The following GRM8 variants were observed in gnomAD, a reference collection of about 807,000 sequenced individuals.
GRM8 encodes glutamate metabotropic receptor 8, also known as metabotropic glutamate receptor 8.
GRM8 carries 47 observed loss-of-function variants against 87.2 expected under a neutral mutation model. The observed-to-expected ratio is 0.54, with a 90% CI of 0.43 to 0.69. GRM8 has a LOEUF of 0.69. Ranked by LOEUF, GRM8 falls within the 30% of genes least tolerant of loss-of-function variation. The pLI is 0.00. For synonymous variants in GRM8, 396 were observed against 404.5 expected (o/e 0.98, Z 0.25); for missense variants, 1,019 against 1,139.2 (o/e 0.89, Z 1.52).
At chr7:126,506,953 A>C (rs919491917) in intron 9 of GRM8, among the ~76,000 whole-genome samples, 2 of 152,158 alleles carry the variant, frequency 1.3e-5, no homozygotes, top group Non-Finnish European at 2.9e-5. Context: ...AAAATGCAGT[A>C]AATTACATAG....
intron 6 of GRM8, among the ~76,000 whole-genome samples, chr7:126,836,083 A>C: frequency 6.6e-6 from 1 of 152,184 alleles, no homozygotes; most frequent in East Asian, 1.9e-4. Context: ...TGTTTAACAT[A>C]AGGAAAAAAA....
chr7:126,761,195 C>G (rs895858868), intron 7 of GRM8, among the ~76,000 whole-genome samples: 28 of 150,364 alleles, frequency 1.9e-4, no homozygotes, highest in Non-Finnish European at 3.4e-4. Flanking sequence ...GAGACTCTAT[C>G]TCTTAAAAAA....
intron 7 of GRM8, among the ~76,000 whole-genome samples, chr7:126,669,339 A>T (rs543419199): frequency 2.6e-5 from 4 of 152,260 alleles, no homozygotes; most frequent in East Asian, 1.9e-4. Context: ...AAAATTAAAA[A>T]TTTTTAAAAA....
At chr7:127,153,739 T>C (rs967526018) in intron 2 of GRM8, among the ~76,000 whole-genome samples, 4 of 152,144 alleles carry the variant, frequency 2.6e-5, no homozygotes, top group African/African-American at 9.7e-5. Context: ...GCACAGCTCC[T>C]GGCACAAGGT....
At chr7:126,443,753 C>T (rs1439534634) in intron 10 of GRM8, among the ~76,000 whole-genome samples, 1 of 151,878 alleles carries the variant, frequency 6.6e-6, no homozygotes, top group Non-Finnish European at 1.5e-5. Context: ...CTTGTTTTTG[C>T]AATCTTTCAT....
chr7:126,526,468 T>C (rs573074822), intron 9 of GRM8, among the ~76,000 whole-genome samples: 16 of 152,204 alleles, frequency 1.1e-4, no homozygotes, highest in Non-Finnish European at 2.2e-4. Flanking sequence ...GCATAAATTA[T>C]TGTAATTTGG....
chr7:126,737,492 GAATTACTCTTT>G (rs1399513606), intron 7 of GRM8, among the ~76,000 whole-genome samples: 1 of 151,942 alleles, frequency 6.6e-6, no homozygotes, highest in African/African-American at 2.4e-5. Flanking sequence ...AGCTCTGCAT[GAATTACTCTTT>G]AATTACTCTT....
intron 8 of GRM8, among the ~76,000 whole-genome samples, chr7:126,536,726 G>A (rs1799993735): frequency 2.0e-5 from 3 of 151,992 alleles, no homozygotes; most frequent in South Asian, 4.1e-4. Context: ...CATAAGATAA[G>A]AAAATACATT....
chr7:126,480,619 A>G (rs990241321), intron 9 of GRM8, among the ~76,000 whole-genome samples: 1 of 152,118 alleles, frequency 6.6e-6, no homozygotes, highest in Non-Finnish European at 1.5e-5. Context: ...AGGTACAATC[A>G]AGAAAACAGG....
At chr7:127,088,130 T>A (rs914755507) in intron 3 of GRM8, among the ~76,000 whole-genome samples, 2 of 152,240 alleles carry the variant, frequency 1.3e-5, no homozygotes, top group African/African-American at 4.8e-5. Context: ...CTGATTGCCA[T>A]CCAATTAGCT....
At chr7:126,651,127 T>C (rs534919461) in intron 7 of GRM8, among the ~76,000 whole-genome samples, 12 of 150,462 alleles carry the variant, frequency 8.0e-5, no homozygotes, top group Admixed American at 2.6e-4. Flanking sequence ...CTGCACACAA[T>C]GCTTCTGCCA....
At chr7:126,852,602 C>A (rs1317280255) in intron 6 of GRM8, among the ~76,000 whole-genome samples, 1 of 152,086 alleles carries the variant, frequency 6.6e-6, no homozygotes, top group Non-Finnish European at 1.5e-5. Context: ...TGCTTTTGTG[C>A]CAAATTGGAA....
chr7:127,082,173 T>C (rs935050211), intron 3 of GRM8: 1 of 152,216 alleles, frequency 6.6e-6, no homozygotes, highest in African/African-American at 2.4e-5. Context: ...GGGCTGATAA[T>C]CCTGAAAACA....
chr7:126,903,737 A>ATATATATGTATATGTG (rs1802382226), intron 5 of GRM8, among the ~76,000 whole-genome samples: 1 of 123,676 alleles, frequency 8.1e-6, no homozygotes, highest in African/African-American at 3.3e-5. Context: ...GTATATGTGT[A>ATATATATGTATATGTG]TATATATATG....
chr7:126,639,528 G>A (rs56067127), intron 7 of GRM8, among the ~76,000 whole-genome samples: 2,364 of 152,096 alleles, frequency 0.016, 45 homozygotes, highest in African/African-American at 0.042. Flanking sequence ...ACATTAGTAG[G>A]GGTCATAACA....
intron 8 of GRM8, among the ~76,000 whole-genome samples, chr7:126,596,066 G>A (rs972879670): frequency 2.6e-5 from 4 of 152,202 alleles, no homozygotes; most frequent in African/African-American, 9.6e-5. Flanking sequence ...AGAGGTTGCA[G>A]TGAGCTGAGA....
At chr7:127,144,123 A>T (rs1272604081) in intron 2 of GRM8, among the ~76,000 whole-genome samples, 1 of 152,114 alleles carries the variant, frequency 6.6e-6, no homozygotes, top group East Asian at 1.9e-4. Context: ...TGTTTTGAGG[A>T]TTAAAAGGCA....
chr7:126,858,455 C>A (rs1273475545), intron 6 of GRM8, among the ~76,000 whole-genome samples: 1 of 152,182 alleles, frequency 6.6e-6, no homozygotes, highest in Admixed American at 6.6e-5. Context: ...ACAGGATGCT[C>A]AAGCCACACT....
intron 2 of GRM8, among the ~76,000 whole-genome samples, chr7:127,182,131 C>T (rs1277509464): frequency 6.6e-6 from 1 of 151,944 alleles, no homozygotes; most frequent in Admixed American, 6.6e-5. Flanking sequence ...CTACAATGAA[C>T]TCAAACAAAT....
Sources: gnomAD v4.1 joint callset for allele counts (sites outside exome capture counted in the v4.1 genomes callset) on GRCh38, gnomAD v4.1.1 for gene constraint, MANE v1.5 for transcripts, NCBI Gene and HGNC (gene_info 2026-07-23, HGNC 2026-07-21) for gene names.